Variants in CNTNAP2 observed in about 807,000 individuals in gnomAD.
The protein encoded by CNTNAP2 is contactin-associated protein-like 2.
In CNTNAP2, 98 loss-of-function variants were observed where a neutral mutation model predicts 155.2. That is an observed-to-expected ratio of 0.63 (90% CI 0.54 to 0.75). CNTNAP2 has a LOEUF of 0.75. Among genes scored for constraint, CNTNAP2 ranks in the 30% least tolerant of loss-of-function variants. The pLI, the probability that CNTNAP2 is intolerant of heterozygous loss-of-function variation, is 0.00. For synonymous variants in CNTNAP2, 651 were observed against 631.2 expected, an observed-to-expected ratio of 1.03 and a Z score of -0.47; for missense variants, 1,727 against 1,688.1, an observed-to-expected ratio of 1.02 and a Z score of -0.40.
intron 12 of CNTNAP2, among the ~76,000 whole-genome samples, chr7:147,637,999 C>T (rs1168170748): frequency 6.6e-6 from 1 of 152,160 alleles, no homozygotes; most frequent in African/African-American, 2.4e-5. Context: ...CTTGATTCTT[C>T]TCTTTATTCG....
chr7:147,058,400 T>C (rs879677309), intron 4 of CNTNAP2, among the ~76,000 whole-genome samples: 3 of 152,202 alleles, frequency 2.0e-5, no homozygotes, highest in African/African-American at 7.2e-5. Context: ...TATTACACTA[T>C]ATTCTATTCT....
chr7:146,530,892 TAA>T (rs926500445), intron 1 of CNTNAP2, among the ~76,000 whole-genome samples: 96 of 152,274 alleles, frequency 6.3e-4, no homozygotes, highest in African/African-American at 2.1e-3. Flanking sequence ...CAAAGGAATA[TAA>T]GTCATTCTAC....
At chr7:147,498,295 T>C (rs4419734) in intron 11 of CNTNAP2, among the ~76,000 whole-genome samples, 43,323 of 151,642 alleles carry the variant, frequency 0.29, 6,249 homozygotes, top group East Asian at 0.43. Context: ...CAGTGATGGA[T>C]GATGAAAGTG....
At chr7:147,189,590 T>C (rs1802636797) in intron 8 of CNTNAP2, among the ~76,000 whole-genome samples, 1 of 152,226 alleles carries the variant, frequency 6.6e-6, no homozygotes. Context: ...TAAGTATAAA[T>C]GCACACATCT....
intron 11 of CNTNAP2, among the ~76,000 whole-genome samples, chr7:147,510,572 C>CA (rs202226729): frequency 5.5e-4 from 71 of 129,782 alleles, no homozygotes; most frequent in South Asian, 9.7e-4. Flanking sequence ...CAAATGGTTC[C>CA]AAAAAAAAAA....
At chr7:148,203,574 G>A (rs1795400359) in intron 18 of CNTNAP2, among the ~76,000 whole-genome samples, 1 of 152,056 alleles carries the variant, frequency 6.6e-6, no homozygotes, top group Non-Finnish European at 1.5e-5. Context: ...GTGAAATTCT[G>A]TCTCTACTAA....
At chr7:147,383,094 A>G (rs1796564444) in intron 9 of CNTNAP2, among the ~76,000 whole-genome samples, 1 of 150,588 alleles carries the variant, frequency 6.6e-6, no homozygotes, top group Non-Finnish European at 1.5e-5. Flanking sequence ...ATCCTAGAAA[A>G]AAAGTGATAC....
At chr7:147,476,458 G>T (rs184702193) in intron 10 of CNTNAP2, among the ~76,000 whole-genome samples, 2 of 144,788 alleles carry the variant, frequency 1.4e-5, no homozygotes, top group African/African-American at 4.9e-5. Context: ...TAAGTTTCCC[G>T]TTAGTAGTGT....
At chr7:147,694,454 C>A (rs1796133783) in intron 13 of CNTNAP2, among the ~76,000 whole-genome samples, 1 of 151,978 alleles carries the variant, frequency 6.6e-6, no homozygotes, top group African/African-American at 2.4e-5. Context: ...TAAAATTTAC[C>A]AATAAGTTGA....
chr7:146,254,030 C>T (rs893074415), intron 1 of CNTNAP2, among the ~76,000 whole-genome samples: 2 of 151,960 alleles, frequency 1.3e-5, no homozygotes, highest in Non-Finnish European at 2.9e-5. Context: ...CCACTGAACT[C>T]CAGCCTGGGT....
intron 2 of CNTNAP2, among the ~76,000 whole-genome samples, chr7:146,825,372 A>T (rs1472796724): frequency 3.7e-4 from 57 of 152,130 alleles, no homozygotes; most frequent in Admixed American, 3.7e-3. Flanking sequence ...CCATCCAGGA[A>T]CTAGGGTTAG....
In CNTNAP2 at chr7:146,801,778, C is replaced by T. The variant is rs1802882957; in HGVS notation, c.208+27397C>T. 2.6e-5 allele frequency among the ~76,000 whole-genome samples: 4 copies of T among 152,090 alleles called. No homozygotes were observed. The South Asian group carries it at 8.3e-4, about 32-fold the overall frequency. The stretch of plus-strand genomic sequence containing the variant: ...TACAGATCAAATAAAAGTGAGAAAG[C>T]TCTTTTATTATACCAAATAGCAGAT... On this transcript the variant is annotated intron_variant, in intron 2 of 23. Coordinates refer to ENST00000361727, the MANE Select transcript of CNTNAP2 (RefSeq NM_014141.6).
chr7:147,272,454 T>C (rs1804773152), intron 8 of CNTNAP2, among the ~76,000 whole-genome samples: 1 of 152,156 alleles, frequency 6.6e-6, no homozygotes, highest in Non-Finnish European at 1.5e-5. Context: ...TTGAAGACGT[T>C]ACTGTATCTC....
chr7:148,273,423 T>C (rs545217186), intron 21 of CNTNAP2, among the ~76,000 whole-genome samples: 1 of 152,246 alleles, frequency 6.6e-6, no homozygotes, highest in African/African-American at 2.4e-5. Context: ...ACCACATCAC[T>C]GTGAGTTGTG....
At chr7:147,222,704 T>C (rs574622203) in intron 8 of CNTNAP2, among the ~76,000 whole-genome samples, 39 of 152,028 alleles carry the variant, frequency 2.6e-4, no homozygotes, top group African/African-American at 8.4e-4. Context: ...AGTAATGTGG[T>C]GGTAAGGTAT....
At chr7:148,307,951 T>C (rs983707945) in intron 21 of CNTNAP2, among the ~76,000 whole-genome samples, 9 of 152,192 alleles carry the variant, frequency 5.9e-5, no homozygotes, top group African/African-American at 2.2e-4. Context: ...CTAACCTGTT[T>C]GACAGAGTGA....
intron 13 of CNTNAP2, among the ~76,000 whole-genome samples, chr7:147,829,129 T>G (rs536022690): frequency 6.6e-6 from 1 of 152,338 alleles, no homozygotes; most frequent in African/African-American, 2.4e-5. Flanking sequence ...TTCTCAAGAT[T>G]TCTTCAGGAC....
intron 8 of CNTNAP2, among the ~76,000 whole-genome samples, chr7:147,146,986 T>C (rs1054374455): frequency 6.6e-6 from 1 of 152,160 alleles, no homozygotes; most frequent in African/African-American, 2.4e-5. Context: ...TATTAGTCCA[T>C]TTTCACACTG....
At chr7:147,176,786 T>G (rs1488602839) in intron 8 of CNTNAP2, among the ~76,000 whole-genome samples, 1 of 120,586 alleles carries the variant, frequency 8.3e-6, no homozygotes, top group Non-Finnish European at 1.6e-5. Context: ...TATATAATTA[T>G]AATTATATAT....
Sources: gnomAD v4.1 joint callset for allele counts (sites outside exome capture counted in the v4.1 genomes callset) on GRCh38, gnomAD v4.1.1 for gene constraint, MANE v1.5 for transcripts, NCBI Gene and HGNC (gene_info 2026-07-23, HGNC 2026-07-21) for gene names.